PCDHA9: variants seen among roughly 807,000 people sequenced by gnomAD.
PCDHA9 encodes the protein protocadherin alpha-9.
Under a neutral mutation model 62.0 loss-of-function variants are expected in PCDHA9, and 62 were observed. That is an observed-to-expected ratio of 1.00 (90% confidence interval 0.81 to 1.23). The LOEUF is 1.23. Among genes scored for constraint, PCDHA9 ranks in the 50% most tolerant of loss-of-function variants. The pLI, the probability that PCDHA9 is intolerant of heterozygous loss-of-function variation, is 0.00. For missense variants in PCDHA9, 1,205 were observed against 1,249.8 expected (o/e 0.96, Z 0.54); for synonymous variants, 557 against 567.6 (o/e 0.98, Z 0.27).
chr5:140,903,023 G>A (rs1554190732), intron 1 of PCDHA9, among the ~76,000 whole-genome samples: 1 of 152,126 alleles, frequency 6.6e-6, no homozygotes, highest in East Asian at 1.9e-4. Context: ...TATCAACATG[G>A]CTTGCACATG....
chr5:140,969,418 TTAACAG>T (rs782375088), intron 1 of PCDHA9: 40 of 1,564,272 alleles, frequency 2.6e-5, no homozygotes, highest in Non-Finnish European at 3.4e-5. Context: ...TATTGAGTCA[TTAACAG>T]TGACAAGAGT....
rs1490368496 is a variant in PCDHA9, at chr5:140,848,582, C to T, written c.87C>T (p.Gly29=). ...TCGCAATGTGGGTGGTGGGGAGCGG[C>T]CAGCTCCACTACTCCGTCCCGGAGG... is the stretch of plus-strand genomic sequence containing the variant. ...LILAMWVVGS[G]QLHYSVPEEA... Residue 29 remains glycine, a synonymous_variant, in exon 1 of 4, where the codon GGC becomes GGT. Transcript: ENST00000532602. 1.7e-5 allele frequency: 27 copies of T among 1,595,002 alleles called. 2 individuals carry two copies. Among genetic ancestry groups the T allele is most frequent in the African/African-American group, 6.7e-5 (5 of 74,374 alleles).
intron 1 of PCDHA9, chr5:140,929,053 T>C (rs781847457): frequency 6.2e-7 from 1 of 1,614,182 alleles, no homozygotes; most frequent in Non-Finnish European, 8.5e-7. Flanking sequence ...CTGCTGTCGC[T>C]CTACAGAGGA....
At chr5:141,003,502 G>C (rs1384211644) in intron 3 of PCDHA9, among the ~76,000 whole-genome samples, 3 of 151,992 alleles carry the variant, frequency 2.0e-5, no homozygotes, top group African/African-American at 2.4e-5. Context: ...TAGTAGAGAT[G>C]GGGTTTCACC....
chr5:140,945,678 C>T (rs2093827274), intron 1 of PCDHA9, among the ~76,000 whole-genome samples: 1 of 152,078 alleles, frequency 6.6e-6, no homozygotes, highest in Non-Finnish European at 1.5e-5. Context: ...AATAAATCCA[C>T]ACAGTTACTG....
chr5:140,852,750 G>A (rs1477121492), intron 1 of PCDHA9: 2 of 984,026 alleles, frequency 2.0e-6, no homozygotes, highest in African/African-American at 3.5e-5. Flanking sequence ...TTTAAACTTG[G>A]ACCCAGGTAT....
intron 1 of PCDHA9, chr5:140,882,983 GC>G: frequency 1.2e-6 from 2 of 1,614,130 alleles, no homozygotes; most frequent in Non-Finnish European, 1.7e-6. Context: ...GAATGACAAC[GC>G]CCCGGAATTT....
At chr5:140,993,431 C>T (rs1171497178) in intron 3 of PCDHA9, among the ~76,000 whole-genome samples, 1 of 149,406 alleles carries the variant, frequency 6.7e-6, no homozygotes, top group African/African-American at 2.5e-5. Context: ...TTTTAAAATC[C>T]TTATTCATTC....
At chr5:140,867,981 A>G (rs1451119630) in intron 1 of PCDHA9, 5 of 152,162 alleles carry the variant, frequency 3.3e-5, no homozygotes, top group African/African-American at 4.8e-5. Context: ...CAAGAAACAA[A>G]CTATTTTCAT....
At chr5:140,885,910 T>C (rs55634134) in intron 1 of PCDHA9, among the ~76,000 whole-genome samples, 4,308 of 152,302 alleles carry the variant, frequency 0.028, 189 homozygotes, top group African/African-American at 0.098. Context: ...CTGTACCTTA[T>C]AGATATTAAC....
chr5:140,942,840 T>C (rs75984395), intron 1 of PCDHA9, among the ~76,000 whole-genome samples: 6,117 of 152,206 alleles, frequency 0.04, 136 homozygotes, highest in Non-Finnish European at 0.052. Context: ...CAATAAAAAT[T>C]CCAGTAAGAT....
At position 140,850,250 on chromosome 5, in the gene PCDHA9, G is replaced by C; in HGVS notation, c.1755G>C (p.Val585=). ...GAVSEMVLRS[V]GAGVVVGKVR... Reference sequence around the variant, plus strand: ...TGAGCGAGATGGTGCTGCGGTCGGTGGGCGCCGGCGTAGTGGTGGGGAAGG... The same window carrying C: ...TGAGCGAGATGGTGCTGCGGTCGGTCGGCGCCGGCGTAGTGGTGGGGAAGG... The change falls in exon 1 of 4, where the codon GTG becomes GTC. Residue 585 remains valine (V), a synonymous_variant. Transcript: ENST00000532602. The C allele has an allele frequency of 1.9e-6, 3 of 1,594,024 alleles. 1 individual carries two copies. Among genetic ancestry groups the C allele is most frequent in the Non-Finnish European group, 2.6e-6 (3 of 1,167,182 alleles).
intron 1 of PCDHA9, chr5:140,877,600 C>G (rs1554169914): frequency 6.2e-7 from 1 of 1,613,878 alleles, no homozygotes; most frequent in Admixed American, 1.7e-5. Context: ...GGTGTCCAGC[C>G]TGCTGGTGCT....
chr5:140,904,082 C>T (rs1189911248), intron 1 of PCDHA9, among the ~76,000 whole-genome samples: 3 of 152,108 alleles, frequency 2.0e-5, no homozygotes, highest in African/African-American at 7.2e-5. Context: ...TATTTGGTTA[C>T]ATGAATAACT....
intron 1 of PCDHA9, among the ~76,000 whole-genome samples, chr5:140,905,949 A>T (rs897929607): frequency 2.0e-5 from 3 of 152,242 alleles, no homozygotes; most frequent in African/African-American, 7.2e-5. Context: ...TTGGAATCCG[A>T]TGTTCAAGGG....
rs182357788 is a variant in PCDHA9, at chr5:140,944,436, C to T, written c.2395-34513C>T. Among the ~76,000 whole-genome samples, 220 of 152,278 alleles carry T rather than the reference C, an allele frequency of 1.4e-3. 1 individual carries two copies. Among genetic ancestry groups the T allele is most frequent in the African/African-American group, 4.9e-3 (204 of 41,560 alleles). The stretch of plus-strand genomic sequence containing the variant: ...TCCTGATCTGAAGTGGTCTGCCTGC[C>T]TCGGCCTCCCAAAGTGCTGGGATTA... On this transcript the variant is annotated intron_variant, in intron 1 of 3. Coordinates refer to ENST00000532602, the MANE Select transcript of PCDHA9 (RefSeq NM_031857.2).
chr5:140,932,712 A>G (rs1025750078), intron 1 of PCDHA9, among the ~76,000 whole-genome samples: 4 of 151,972 alleles, frequency 2.6e-5, no homozygotes, highest in African/African-American at 9.6e-5. Context: ...AGACAACACA[A>G]TAATATTGTA....
At position 140,850,765 on chromosome 5, in the gene PCDHA9, G is replaced by A. The variant is rs2150497510; in HGVS notation, c.2270G>A (p.Arg757Lys). 1 of 1,598,120 alleles carries A rather than the reference G, an allele frequency of 6.3e-7. No homozygotes were observed. The highest frequency in any genetic ancestry group is 1.7e-5 in the Admixed American group (1 of 59,268). ...SWSYSQQRRQ[R>K]VCSGEGKQKT... is the part of the protein sequence containing the mutation. ...TCGTACTCGCAGCAGAGGAGGCAGAGGGTGTGCTCTGGCGAGGGTAAGCAG... is the reference window on the plus strand; with the variant it reads ...TCGTACTCGCAGCAGAGGAGGCAGAAGGTGTGCTCTGGCGAGGGTAAGCAG... The change falls in exon 1 of 4, where the codon AGG becomes AAG. Residue 757 changes from arginine to lysine, a missense_variant. By Grantham distance (26) the Arg-to-Lys change is conservative. Coordinates refer to ENST00000532602, the MANE Select transcript of PCDHA9 (RefSeq NM_031857.2).
chr5:140,954,652 T>C (rs541171307), intron 1 of PCDHA9, among the ~76,000 whole-genome samples: 24 of 152,356 alleles, frequency 1.6e-4, no homozygotes, highest in African/African-American at 5.8e-4. Flanking sequence ...TTTAAGTTCC[T>C]TGTAGACTCT....
Sources: allele counts gnomAD v4.1 joint callset (sites outside exome capture counted in the v4.1 genomes callset), GRCh38; gene constraint gnomAD v4.1.1; transcripts MANE v1.5; gene names NCBI Gene and HGNC (gene_info 2026-07-23, HGNC 2026-07-21).